PLCL2: variants seen among roughly 807,000 people sequenced by gnomAD.
PLCL2 encodes inactive phospholipase C-like protein 2.
PLCL2 carries 4 observed loss-of-function variants against 79.6 expected under a neutral mutation model. That is an observed-to-expected ratio of 0.05 (90% CI 0.02 to 0.11). The LOEUF (loss-of-function observed/expected upper bound fraction) is 0.11. Ranked by LOEUF, PLCL2 falls within the 10% of genes least tolerant of loss-of-function variation. The pLI is 1.00. For synonymous variants in PLCL2, 484 were observed against 457.7 expected (o/e 1.06, Z -0.73); for missense variants, 895 against 1,291.0 (o/e 0.69, Z 4.70).
At chr3:17,087,024 A>C (rs2065227545) in intron 5 of PLCL2, among the ~76,000 whole-genome samples, 1 of 152,240 alleles carries the variant, frequency 6.6e-6, no homozygotes. Flanking sequence ...ATGTGAAACA[A>C]CAGGAACTTT....
At chr3:16,958,103 G>A (rs1039406699) in intron 1 of PLCL2, among the ~76,000 whole-genome samples, 1 of 152,202 alleles carries the variant, frequency 6.6e-6, no homozygotes, top group African/African-American at 2.4e-5. Flanking sequence ...CTCGTTAGTT[G>A]ATGCAGTTTC....
intron 1 of PLCL2, among the ~76,000 whole-genome samples, chr3:16,930,707 TA>T (rs749428254): frequency 2.0e-5 from 3 of 152,190 alleles, no homozygotes; most frequent in Non-Finnish European, 4.4e-5. Context: ...TCATCCCTCC[TA>T]ATCTCAAGTC....
intron 1 of PLCL2, among the ~76,000 whole-genome samples, chr3:16,996,361 G>A (rs2064153097): frequency 6.6e-6 from 1 of 152,036 alleles, no homozygotes; most frequent in Admixed American, 6.6e-5. Flanking sequence ...ACCCAGGAAG[G>A]AAGAGAGTAG....
intron 1 of PLCL2, among the ~76,000 whole-genome samples, chr3:16,952,502 A>G (rs2063664322): frequency 6.6e-6 from 1 of 151,780 alleles, no homozygotes; most frequent in African/African-American, 2.4e-5. Flanking sequence ...TCAGAAGTAA[A>G]TGTCTAGTGG....
At chr3:17,035,780 T>G (rs2064643739) in intron 3 of PLCL2, 1 of 515,560 alleles carries the variant, frequency 1.9e-6, no homozygotes, top group Non-Finnish European at 3.9e-6. Flanking sequence ...CTAATACGAG[T>G]TGAGGTGCCT....
intron 1 of PLCL2, among the ~76,000 whole-genome samples, chr3:17,006,954 A>G (rs1254560982): frequency 6.6e-6 from 1 of 152,226 alleles, no homozygotes; most frequent in African/African-American, 2.4e-5. Context: ...CAGAATATTA[A>G]TCAGCCTGTA....
intron 1 of PLCL2, among the ~76,000 whole-genome samples, chr3:16,946,765 G>A (rs1305074030): frequency 1.3e-5 from 2 of 151,898 alleles, no homozygotes; most frequent in Non-Finnish European, 2.9e-5. Flanking sequence ...GCTCTGTGTA[G>A]CTAATTAGAA....
chr3:16,943,640 C>G (rs1200159092), intron 1 of PLCL2, among the ~76,000 whole-genome samples: 1 of 152,074 alleles, frequency 6.6e-6, no homozygotes, highest in Non-Finnish European at 1.5e-5. Flanking sequence ...GTATACATAA[C>G]ATATGTGTTT....
chr3:17,011,207 C>A lies in PLCL2; in HGVS notation c.1861C>A (p.Leu621Met). The A allele has an allele frequency of 1.9e-6, 3 of 1,614,192 alleles. No homozygotes were observed. The highest frequency in any genetic ancestry group is 2.5e-6 in the Non-Finnish European group (3 of 1,180,024). ...RFQLCKELSELVSICKSVQFK... is the reference protein window; with the variant it reads ...RFQLCKELSEMVSICKSVQFK... ...TCAGCTTTGTAAAGAACTGTCTGAA[C>A]TGGTCAGCATCTGCAAATCAGTTCA... Residue 621 changes from leucine (L) to methionine (M), a missense_variant, in exon 2 of 6, where the codon CTG becomes ATG. By Grantham distance (15) the Leu-to-Met change is conservative. This residue lies in a region of PLCL2 where 242 missense variants were observed against 399.5 expected (regional missense o/e 0.61). Coordinates refer to ENST00000615277, the MANE Select transcript of PLCL2 (RefSeq NM_001144382.2). The surrounding 1 kb of genome is among the most constrained non-coding windows in gnomAD (Gnocchi z 7.9).
At chr3:16,944,750 G>A (rs2063584482) in intron 1 of PLCL2, among the ~76,000 whole-genome samples, 1 of 150,482 alleles carries the variant, frequency 6.6e-6, no homozygotes, top group South Asian at 2.1e-4. Context: ...AAAATGTATT[G>A]TACTCCGGGT....
intron 2 of PLCL2, among the ~76,000 whole-genome samples, chr3:17,013,553 C>T (rs1167238039): frequency 6.6e-6 from 1 of 152,150 alleles, no homozygotes; most frequent in East Asian, 1.9e-4. Flanking sequence ...CTGTAACTGT[C>T]AATATCAAAG....
chr3:16,893,228 G>C (rs1209398804), intron 1 of PLCL2, among the ~76,000 whole-genome samples: 1 of 151,980 alleles, frequency 6.6e-6, no homozygotes, highest in Admixed American at 6.6e-5. Context: ...TCTTTTAGGG[G>C]GGTTAGTTTC....
Position 17,010,944 on chromosome 3 carries a change from A to G in PLCL2, c.1598A>G (p.Gln533Arg). 1.2e-6 allele frequency: 2 copies of G among 1,614,148 alleles called. No individual in the cohort carries two copies. Among genetic ancestry groups the G allele is most frequent in the Non-Finnish European group, 1.7e-6 (2 of 1,180,010 alleles). The part of the protein sequence containing the change: ...CSIKQQKVMV[Q>R]HMKKLLGDKL... ...ATTAAACAACAGAAGGTAATGGTTC[A>G]GCACATGAAGAAACTTTTAGGAGAC... Residue 533 changes from glutamine to arginine, a missense_variant, in exon 2 of 6, where the codon CAG (glutamine) becomes CGG (arginine). Transcript: ENST00000615277. This position sits in a 1 kb window ranked among gnomAD's most constrained non-coding sequence, Gnocchi z 5.8.
Position 17,037,199 on chromosome 3 carries a change from C to T in PLCL2, c.3019-5675C>T, listed in dbSNP as rs764438774. On this transcript the variant is annotated intron_variant, in intron 3 of 5. Coordinates refer to ENST00000615277, the MANE Select transcript of PLCL2 (RefSeq NM_001144382.2). Reference sequence around the variant, plus strand: ...CAGAGAAGCAAGTCCTGCTTTGGTCCAGTCCTCCCAAGGTCATCCTGAGCC... The same window carrying T: ...CAGAGAAGCAAGTCCTGCTTTGGTCTAGTCCTCCCAAGGTCATCCTGAGCC... 3.3e-5 allele frequency among the ~76,000 whole-genome samples: 5 copies of T among 152,104 alleles called. No homozygotes were observed. The South Asian group carries it at 1.0e-3, about 32-fold the overall frequency.
intron 4 of PLCL2, among the ~76,000 whole-genome samples, chr3:17,066,837 T>C (rs1160573222): frequency 1.3e-5 from 2 of 152,164 alleles, no homozygotes; most frequent in African/African-American, 2.4e-5. Flanking sequence ...GGAAGATTAT[T>C]AATAATATGT....
At chr3:17,052,314 C>G (rs780469716) in intron 4 of PLCL2, among the ~76,000 whole-genome samples, 1 of 150,540 alleles carries the variant, frequency 6.6e-6, no homozygotes, top group Non-Finnish European at 1.5e-5. Flanking sequence ...CTCATGGACA[C>G]CACACCAGAG....
chr3:17,063,398 C>A (rs891186928), intron 4 of PLCL2, among the ~76,000 whole-genome samples: 1 of 146,986 alleles, frequency 6.8e-6, no homozygotes, highest in African/African-American at 2.6e-5. Flanking sequence ...GCCTACTGAA[C>A]ATGGACTTCG....
intron 1 of PLCL2, among the ~76,000 whole-genome samples, chr3:17,007,128 G>A (rs2064268903): frequency 6.6e-6 from 1 of 152,102 alleles, no homozygotes; most frequent in African/African-American, 2.4e-5. Flanking sequence ...TCAGTATGTT[G>A]TCTTTATCAA....
intron 1 of PLCL2, among the ~76,000 whole-genome samples, chr3:16,982,003 A>G (rs1264246386): frequency 6.6e-6 from 1 of 152,170 alleles, no homozygotes; most frequent in Non-Finnish European, 1.5e-5. Context: ...ATTCTTTGTA[A>G]GTAGGCTGGG....
Sources: gnomAD v4.1 joint callset for allele counts (sites outside exome capture counted in the v4.1 genomes callset) on GRCh38, gnomAD v4.1.1 for gene constraint, gnomAD v4.1.1 regional missense constraint, Gnocchi (gnomAD v3.1) non-coding constraint, MANE v1.5 for transcripts, NCBI Gene and HGNC (gene_info 2026-07-23, HGNC 2026-07-21) for gene names.